SPAG6: variants seen among roughly 807,000 people sequenced by gnomAD.
SPAG6 encodes sperm associated antigen 6, also known as sperm-associated antigen 6.
SPAG6 carries 49 observed loss-of-function variants against 58.5 expected under a neutral mutation model. That is an observed-to-expected ratio of 0.84 (90% CI 0.67 to 1.06). SPAG6 has a LOEUF of 1.06. Ranked by LOEUF, SPAG6 falls within the 50% of genes least tolerant of loss-of-function variation. The pLI is 0.00. For synonymous variants in SPAG6, 233 were observed against 225.6 expected, an observed-to-expected ratio of 1.03 and a Z score of -0.29; for missense variants, 560 against 611.3, an observed-to-expected ratio of 0.92 and a Z score of 0.89.
chr10:22,376,177 A>G (rs1296133891), intron 4 of SPAG6, among the ~76,000 whole-genome samples: 2 of 152,190 alleles, frequency 1.3e-5, no homozygotes, highest in South Asian at 4.1e-4. Context: ...TACCTTTTCA[A>G]CTGTAAACTT....
At chr10:22,407,074 G>A (rs1034063017) in intron 9 of SPAG6, among the ~76,000 whole-genome samples, 2 of 151,990 alleles carry the variant, frequency 1.3e-5, no homozygotes, top group African/African-American at 4.8e-5. Flanking sequence ...ACACTGATGT[G>A]TCTTGACTCT....
chr10:22,411,581 AAG>A (rs1221346963), intron 10 of SPAG6: 3 of 153,890 alleles, frequency 1.9e-5, no homozygotes, highest in Non-Finnish European at 4.3e-5. Flanking sequence ...ACAGGTAGAA[AAG>A]AGATGTTGAG....
At chr10:22,360,557 G>A (rs1452015838) in intron 2 of SPAG6, among the ~76,000 whole-genome samples, 3 of 151,700 alleles carry the variant, frequency 2.0e-5, no homozygotes, top group South Asian at 4.2e-4. Context: ...GTGTATGGGA[G>A]CATTGTATAG....
intron 4 of SPAG6, among the ~76,000 whole-genome samples, chr10:22,371,334 A>G (rs1246293774): frequency 6.6e-6 from 1 of 151,856 alleles, no homozygotes; most frequent in East Asian, 1.9e-4. Flanking sequence ...GCTCGCTGCA[A>G]CCTCCACCTC....
intron 8 of SPAG6, among the ~76,000 whole-genome samples, chr10:22,398,407 TA>T (rs60248912): frequency 0.11 from 16,939 of 151,876 alleles, 2,135 homozygotes; most frequent in African/African-American, 0.31. Context: ...TTCATCAAGA[TA>T]AAAAAAAATC....
At chr10:22,363,914 A>T (rs2132047588) in intron 2 of SPAG6, among the ~76,000 whole-genome samples, 1 of 152,332 alleles carries the variant, frequency 6.6e-6, no homozygotes, top group Non-Finnish European at 1.5e-5. Flanking sequence ...GAATTCTGTC[A>T]TTACATTTCT....
chr10:22,405,013 T>C (rs1834514997), intron 9 of SPAG6, among the ~76,000 whole-genome samples: 1 of 152,158 alleles, frequency 6.6e-6, no homozygotes, highest in African/African-American at 2.4e-5. Flanking sequence ...CTGAAGTTGC[T>C]TATCAGCTTA....
rs1323278294 is a variant in SPAG6, at chr10:22,386,787, T to C, written c.506T>C (p.Val169Ala). The change falls in exon 5 of 11, where the codon GTT (valine) becomes GCT (alanine). Residue 169 changes from valine to alanine, a missense_variant. Transcript: ENST00000376624. Reference protein sequence around the residue: ...LSQAVVDAGAVPLLVLCIQEP... With the variant: ...LSQAVVDAGAAPLLVLCIQEP... Reference sequence around the variant, plus strand: ...CAAGCTGTGGTGGATGCAGGAGCTGTTCCTCTTTTAGTACTCTGTATCCAG... The same window carrying C: ...CAAGCTGTGGTGGATGCAGGAGCTGCTCCTCTTTTAGTACTCTGTATCCAG... 4 of 1,613,612 alleles carry C rather than the reference T, an allele frequency of 2.5e-6. No homozygotes were observed. Among genetic ancestry groups the C allele is most frequent in the Non-Finnish European group, 2.5e-6 (3 of 1,179,590 alleles).
At chr10:22,387,762 T>G in intron 5 of SPAG6, 61 bp from the exon 6 acceptor site, 1 of 1,505,238 alleles carries the variant, frequency 6.6e-7, no homozygotes, top group African/African-American at 1.4e-5. Context: ...ACATTACATC[T>G]GAACTCTGTA....
At chr10:22,409,216 A>G (rs1252412876) in intron 9 of SPAG6, among the ~76,000 whole-genome samples, 1 of 152,248 alleles carries the variant, frequency 6.6e-6, no homozygotes, top group Admixed American at 6.5e-5. Flanking sequence ...AGCAAGGTAG[A>G]AGGTGAAAAG....
intron 9 of SPAG6, among the ~76,000 whole-genome samples, chr10:22,403,638 G>C (rs1286687578): frequency 6.9e-6 from 1 of 145,848 alleles, no homozygotes; most frequent in African/African-American, 2.8e-5. Flanking sequence ...ATAGTCCTTT[G>C]GGTATATACC....
At chr10:22,360,886 T>C (rs930452929) in intron 2 of SPAG6, 2 of 1,319,638 alleles carry the variant, frequency 1.5e-6, no homozygotes, top group African/African-American at 2.9e-5. Context: ...AATTTCTTTT[T>C]ATTTCCTTCC....
intron 4 of SPAG6, among the ~76,000 whole-genome samples, chr10:22,378,019 C>T (rs184188473): frequency 6.4e-4 from 94 of 148,018 alleles, no homozygotes; most frequent in African/African-American, 2.1e-3. Context: ...TATGTATTTA[C>T]GGGGTACAAG....
intron 8 of SPAG6, among the ~76,000 whole-genome samples, 175 bp from the exon 9 acceptor site, chr10:22,400,986 A>G (rs1834397683): frequency 6.6e-6 from 1 of 152,204 alleles, no homozygotes; most frequent in Non-Finnish European, 1.5e-5. Context: ...ATATTCTATG[A>G]TAAAATCAAT....
intron 2 of SPAG6, among the ~76,000 whole-genome samples, chr10:22,357,475 T>G (rs1836900549): frequency 6.6e-6 from 1 of 152,210 alleles, no homozygotes; most frequent in African/African-American, 2.4e-5. Flanking sequence ...CCATTGAACC[T>G]TTAATAGTTC....
rs566141860 is a variant in SPAG6 at position 22,413,714 on chromosome 10, C to T, written c.1460+2538C>T. 3.1e-5 allele frequency among the ~76,000 whole-genome samples: 4 copies of T among 128,238 alleles called. No individual in the cohort carries two copies. In the South Asian group the frequency reaches 8.5e-4, roughly 27 times the overall value. The allele number at this position is 128,238 out of a possible 152,430, so 84.1% of individuals were successfully genotyped here. A position where few individuals can be genotyped will look rare whatever the true frequency, so the allele number is the denominator to read the frequency against. ...ATATATATATATATATATATTTCAC[C>T]CACACAGGGCAAGTAGGAAAACCTC... is the stretch of plus-strand genomic sequence containing the variant. On this transcript the variant is annotated intron_variant, in intron 10 of 10. Coordinates refer to ENST00000376624, the MANE Select transcript of SPAG6 (RefSeq NM_012443.4).
At position 22,345,589 on chromosome 10, in the gene SPAG6, G is replaced by A. The variant is rs1271686851; in HGVS notation, c.-23G>A. On this transcript the variant is annotated 5_prime_UTR_variant, in exon 1 of 11. Transcript: ENST00000376624. The surrounding 1 kb of genome is among the most constrained non-coding windows in gnomAD (Gnocchi z 6.3). The stretch of plus-strand genomic sequence containing the variant: ...GCGGCTTCCCCGCAGAGCTCGAGGA[G>A]GGCAGACGGCGGCGGGGGCGCCATG... 1 of 1,527,650 alleles carries A rather than the reference G, an allele frequency of 6.5e-7. No individual in the cohort carries two copies. Among genetic ancestry groups the A allele is most frequent in the South Asian group, 1.2e-5 (1 of 82,184 alleles). The allele number at this position is 1,527,650 out of a possible 1,614,324, so 94.6% of individuals were successfully genotyped here.
At chr10:22,416,567 C>G (rs978981504) in intron 10 of SPAG6, 52 bp from the exon 11 acceptor site, 2 of 1,059,052 alleles carry the variant, frequency 1.9e-6, no homozygotes, top group Non-Finnish European at 2.9e-6. Context: ...ATCTTATGTG[C>G]CTGCTGTGTT....
At chr10:22,405,916 T>C (rs1240061392) in intron 9 of SPAG6, among the ~76,000 whole-genome samples, 4 of 152,234 alleles carry the variant, frequency 2.6e-5, no homozygotes, top group Admixed American at 2.6e-4. Context: ...TTTTCTAGTT[T>C]ATTTGCGTAG....
Sources: gnomAD v4.1 joint callset for allele counts (sites outside exome capture counted in the v4.1 genomes callset) on GRCh38, gnomAD v4.1.1 for gene constraint, Gnocchi (gnomAD v3.1) non-coding constraint, MANE v1.5 for transcripts, NCBI Gene and HGNC (gene_info 2026-07-23, HGNC 2026-07-21) for gene names.